The following EPS15 variants were observed in gnomAD, a reference collection of about 807,000 sequenced individuals.
EPS15 encodes epidermal growth factor receptor pathway substrate 15.
In EPS15, 72 loss-of-function variants were observed where a neutral mutation model predicts 113.8. That is an observed-to-expected ratio of 0.63 (90% CI 0.52 to 0.77). The LOEUF (loss-of-function observed/expected upper bound fraction) is 0.77. EPS15 is among the 30% of genes least tolerant of loss of function. The pLI is 0.00. For missense variants in EPS15, 1,048 were observed against 1,045.8 expected (o/e 1.00, Z -0.03); for synonymous variants, 344 against 363.4 (o/e 0.95, Z 0.61).
intron 21 of EPS15, among the ~76,000 whole-genome samples, chr1:51,393,775 G>T (rs1201100524): frequency 6.6e-6 from 1 of 152,166 alleles, no homozygotes. Context: ...AAAGCTTTTT[G>T]TCAGACCTAA....
At chr1:51,373,787 C>T (rs1646719541) in intron 21 of EPS15, among the ~76,000 whole-genome samples, 1 of 152,050 alleles carries the variant, frequency 6.6e-6, no homozygotes, top group African/African-American at 2.4e-5. Context: ...CCTGTCTCTA[C>T]TAAAAATACA....
chr1:51,387,860 CAAT>C (rs1202640479), intron 21 of EPS15, among the ~76,000 whole-genome samples: 2 of 152,156 alleles, frequency 1.3e-5, no homozygotes, highest in Non-Finnish European at 2.9e-5. Flanking sequence ...GACTCCCACA[CAAT>C]AATAATGGGA....
chr1:51,357,418 ATATATATATTTTTT>A (rs1432980989), intron 24 of EPS15, among the ~76,000 whole-genome samples: 2 of 68,962 alleles, frequency 2.9e-5, no homozygotes, highest in African/African-American at 8.0e-5. Context: ...ATATATATAT[ATATATATATTTTTT>A]TTTTTTAAAT....
At chr1:51,393,026 CTCTCAT>C (rs754269570) in intron 21 of EPS15, among the ~76,000 whole-genome samples, 2 of 152,154 alleles carry the variant, frequency 1.3e-5, no homozygotes, top group Admixed American at 1.3e-4. Flanking sequence ...GTCTCACTTG[CTCTCAT>C]TCTAAGTTTC....
intron 1 of EPS15, among the ~76,000 whole-genome samples, chr1:51,486,464 A>G (rs367870918): frequency 6.7e-6 from 1 of 150,318 alleles, no homozygotes. Context: ...AAGGCCTACA[A>G]TTTTGCAACA....
At chr1:51,427,206 T>TAAAATTATAAG (rs1194326659) in intron 12 of EPS15, among the ~76,000 whole-genome samples, 19 of 152,340 alleles carry the variant, frequency 1.2e-4, no homozygotes, top group African/African-American at 3.4e-4. Flanking sequence ...AGCTCTAGTT[T>TAAAATTATAAG]CTGCAGCTAT....
intron 1 of EPS15, among the ~76,000 whole-genome samples, chr1:51,509,831 T>C (rs1027766284): frequency 1.3e-5 from 2 of 152,210 alleles, no homozygotes; most frequent in African/African-American, 4.8e-5. Flanking sequence ...GAAGATGTAG[T>C]AGCCTACAAC....
chr1:51,419,894 G>C (rs1650584983), intron 13 of EPS15, among the ~76,000 whole-genome samples: 1 of 151,984 alleles, frequency 6.6e-6, no homozygotes, highest in Non-Finnish European at 1.5e-5. Flanking sequence ...TTAATTACTG[G>C]TAGATGTCAA....
chr1:51,466,894 G>C (rs1280065650), intron 5 of EPS15, among the ~76,000 whole-genome samples: 2 of 151,582 alleles, frequency 1.3e-5, no homozygotes, highest in African/African-American at 4.8e-5. Context: ...TGACAAAATA[G>C]GAAAAAAAGA....
At chr1:51,454,147 GATACACACTA>G (rs1379922374) in intron 8 of EPS15, among the ~76,000 whole-genome samples, 1 of 151,202 alleles carries the variant, frequency 6.6e-6, no homozygotes, top group Non-Finnish European at 1.5e-5. Context: ...AATACAACGT[GATACACACTA>G]ATACACACAA....
intron 2 of EPS15, among the ~76,000 whole-genome samples, chr1:51,478,539 T>G (rs1047622547): frequency 6.6e-6 from 1 of 151,626 alleles, no homozygotes; most frequent in Non-Finnish European, 1.5e-5. Context: ...TGATGCAGTT[T>G]CTTCCTAACC....
intron 21 of EPS15, among the ~76,000 whole-genome samples, chr1:51,381,273 G>T (rs1220744384): frequency 6.6e-6 from 1 of 152,126 alleles, no homozygotes; most frequent in Admixed American, 6.5e-5. Flanking sequence ...AACTCTTAAT[G>T]AATTTTAAAA....
intron 8 of EPS15, 22 bp from the exon 9 acceptor site, chr1:51,448,157 G>A: frequency 6.7e-7 from 1 of 1,490,092 alleles, no homozygotes; most frequent in Non-Finnish European, 9.3e-7. Flanking sequence ...ATGAACCAGG[G>A]TCATATATAT....
chr1:51,489,470 C>T lies in EPS15; in HGVS notation c.34-8156G>A, dbSNP rs759512595. On this transcript the variant is annotated intron_variant, in intron 1 of 24. Coordinates refer to ENST00000371733, the MANE Select transcript of EPS15 (RefSeq NM_001981.3). ...CCAAGTAGCTGGGACTACAGGTGCACACCACCACGCCAGACTATTTTATTT... is the reference window on the plus strand; with the variant it reads ...CCAAGTAGCTGGGACTACAGGTGCATACCACCACGCCAGACTATTTTATTT... 2.6e-5 allele frequency among the ~76,000 whole-genome samples: 4 copies of T among 151,784 alleles called. No individual in the cohort carries two copies. In the South Asian group the frequency reaches 8.3e-4, roughly 32 times the overall value.
intron 19 of EPS15, among the ~76,000 whole-genome samples, chr1:51,400,686 G>A (rs1012680327): frequency 2.9e-5 from 2 of 70,034 alleles, no homozygotes; most frequent in Non-Finnish European, 5.4e-5. Flanking sequence ...GACAGAATAA[G>A]ACCCTGTCTC....
chr1:51,508,340 GAA>G (rs1300452001), intron 1 of EPS15, among the ~76,000 whole-genome samples: 377 of 98,310 alleles, frequency 3.8e-3, no homozygotes, highest in African/African-American at 0.016. Context: ...GAGAAAGAGA[GAA>G]AGAAAGAAAG....
intron 5 of EPS15, among the ~76,000 whole-genome samples, chr1:51,466,632 AT>A (rs1204547279): frequency 2.0e-5 from 3 of 151,882 alleles, no homozygotes; most frequent in South Asian, 2.1e-4. Flanking sequence ...TCAAAAAAAA[AT>A]AAATAAATAA....
chr1:51,361,195 TG>T lies in EPS15; in HGVS notation c.2519del (p.Pro840GlnfsTer16). On this transcript the variant is annotated frameshift_variant, in exon 24 of 25. Transcript: ENST00000371733. LOFTEE classifies it high-confidence loss of function. ...CAGCACTGAAGTTGGCAAAATTGCT[TG>T]GATCAGCCTCTTTATTGGTAGTGGT... ...ATTTTNKEAD[P>X]SNFANFSAYP... 1 of 1,614,050 alleles carries T rather than the reference TG, an allele frequency of 6.2e-7. No individual in the cohort carries two copies. Among genetic ancestry groups the T allele is most frequent in the Non-Finnish European group, 8.5e-7 (1 of 1,179,924 alleles).
chr1:51,469,695 T>C (rs1472684295), intron 4 of EPS15, among the ~76,000 whole-genome samples: 1 of 152,180 alleles, frequency 6.6e-6, no homozygotes, highest in East Asian at 1.9e-4. Context: ...CTGTCTGCTT[T>C]ATACAATCCC....
Sources: gnomAD v4.1 joint callset for allele counts (sites outside exome capture counted in the v4.1 genomes callset) on GRCh38, gnomAD v4.1.1 for gene constraint, MANE v1.5 for transcripts, NCBI Gene and HGNC (gene_info 2026-07-23, HGNC 2026-07-21) for gene names.